The following SYNPO2 variants were observed in gnomAD, a reference collection of about 807,000 sequenced individuals.
SYNPO2 encodes the protein synaptopodin-2.
SYNPO2 carries 56 observed loss-of-function variants against 85.0 expected under a neutral mutation model. That is an observed-to-expected ratio of 0.66 (90% CI 0.53 to 0.82). SYNPO2 has a LOEUF of 0.82. SYNPO2 is among the 40% of genes least tolerant of loss of function. The probability of loss-of-function intolerance (pLI) is 0.00; values close to 1 mark genes in which losing one functional copy is unlikely to be tolerated. For synonymous variants in SYNPO2, 602 were observed against 591.1 expected (o/e 1.02, Z -0.27); for missense variants, 1,575 against 1,534.2 (o/e 1.03, Z -0.44).
At chr4:118,917,364 C>G (rs1411603646) in intron 1 of SYNPO2, among the ~76,000 whole-genome samples, 1 of 152,048 alleles carries the variant, frequency 6.6e-6, no homozygotes, top group Non-Finnish European at 1.5e-5. Context: ...GGACTCTAGC[C>G]TGGGTAATAA....
chr4:118,873,516 T>TTCA (rs1418855579), intron 1 of SYNPO2, among the ~76,000 whole-genome samples: 1 of 152,212 alleles, frequency 6.6e-6, no homozygotes. Flanking sequence ...AAAATGTCTA[T>TTCA]TCATACCCTT....
intron 1 of SYNPO2, among the ~76,000 whole-genome samples, chr4:118,927,776 T>TA (rs143891687): frequency 0.29 from 28,585 of 97,720 alleles, 6,107 homozygotes; most frequent in African/African-American, 0.4. Flanking sequence ...GATAGATAGA[T>TA]GATAGATAGA....
intron 1 of SYNPO2, among the ~76,000 whole-genome samples, chr4:118,855,617 T>A (rs1478501696): frequency 6.6e-6 from 1 of 151,896 alleles, no homozygotes; most frequent in East Asian, 1.9e-4. Flanking sequence ...CTTTAAATAT[T>A]GCCAGTAACT....
chr4:119,012,489 T>C lies in SYNPO2; in HGVS notation c.106-10941T>C, dbSNP rs1423822659. 2.0e-5 allele frequency among the ~76,000 whole-genome samples: 3 copies of C among 151,534 alleles called. No individual in the cohort carries two copies. The East Asian group carries it at 5.9e-4, about 30-fold the overall frequency. ...GTGGTTTGCTGCACCTATCAACCTG[T>C]CATCTAGGCTTTAAGCCCTGCATGG... is the stretch of plus-strand genomic sequence containing the variant. On this transcript the variant is annotated intron_variant, in intron 1 of 4. Transcript: ENST00000307142.
chr4:118,977,162 G>A (rs1379693594), intron 1 of SYNPO2, among the ~76,000 whole-genome samples: 2 of 152,238 alleles, frequency 1.3e-5, no homozygotes, highest in Admixed American at 6.5e-5. Context: ...GGAGGCTCAG[G>A]CATGGCGGGC....
At chr4:119,035,258 A>T in intron 4 of SYNPO2, 1 of 985,428 alleles carries the variant, frequency 1.0e-6, no homozygotes, top group Non-Finnish European at 1.2e-6. Context: ...ATGTTGTGCT[A>T]TAATGAATCT....
Position 119,057,530 on chromosome 4 carries a change from A to C in SYNPO2, c.3382A>C (p.Arg1128=). 6.2e-7 allele frequency: 1 copy of C among 1,614,166 alleles called. No homozygotes were observed. ...PTDGLEKANK[R]PTPWEAAAKS... ...CGATGGACTAGAGAAAGCAAACAAG[A>C]GACCAACTCCTTGGGAAGCAGCAGC... is the stretch of plus-strand genomic sequence containing the variant. Residue 1128 remains arginine, a synonymous_variant, in exon 5 of 5, where the codon AGA becomes CGA. Coordinates refer to ENST00000307142, the MANE Select transcript of SYNPO2 (RefSeq NM_133477.3).
chr4:119,037,238 C>A lies in SYNPO2; in HGVS notation c.3252+5211C>A, dbSNP rs755176070. 1.1e-5 allele frequency: 17 copies of A among 1,502,206 alleles called. No homozygotes were observed. The East Asian group carries it at 4.0e-4, about 36-fold the overall frequency. The allele number at this position is 1,502,206 out of a possible 1,614,324, so 93.1% of individuals were successfully genotyped here. A position where few individuals can be genotyped will look rare whatever the true frequency, so the allele number is the denominator to read the frequency against. ...ACATTCAAAGGAAACACAAAGAAAT[C>A]CTGCTTTCACATCTCCTATTTCTTG... On this transcript the variant is annotated intron_variant, in intron 4 of 4. Transcript: ENST00000307142.
intron 1 of SYNPO2, among the ~76,000 whole-genome samples, chr4:118,894,264 CAG>C (rs1415956964): frequency 1.3e-5 from 2 of 152,010 alleles, no homozygotes; most frequent in Admixed American, 6.6e-5. Context: ...AGAGGAAGAT[CAG>C]AGAGAGGCTA....
chr4:118,930,348 T>C (rs557419237), intron 1 of SYNPO2, among the ~76,000 whole-genome samples: 1 of 152,340 alleles, frequency 6.6e-6, no homozygotes, highest in Admixed American at 6.5e-5. Context: ...ATTTTAGTAC[T>C]TTTTATCATC....
At chr4:118,892,402 A>G (rs1480306589) in intron 1 of SYNPO2, among the ~76,000 whole-genome samples, 1 of 152,194 alleles carries the variant, frequency 6.6e-6, no homozygotes, top group Non-Finnish European at 1.5e-5. Context: ...ACACTCTGCA[A>G]AGTATATTTT....
At chr4:118,931,291 C>T (rs1214713520) in intron 1 of SYNPO2, among the ~76,000 whole-genome samples, 1 of 151,164 alleles carries the variant, frequency 6.6e-6, no homozygotes, top group Non-Finnish European at 1.5e-5. Flanking sequence ...AGTAGGAGAG[C>T]TGGGATGAGA....
chr4:118,860,296 T>C (rs1184503363), intron 1 of SYNPO2, among the ~76,000 whole-genome samples: 1 of 151,958 alleles, frequency 6.6e-6, no homozygotes, highest in African/African-American at 2.4e-5. Context: ...CAGGCTGGAG[T>C]GTAGTGGCAT....
chr4:118,903,464 A>G (rs1732824340), intron 1 of SYNPO2, among the ~76,000 whole-genome samples: 1 of 152,170 alleles, frequency 6.6e-6, no homozygotes, highest in African/African-American at 2.4e-5. Flanking sequence ...GCAGTAGTCC[A>G]ATTCACTGAA....
rs756761123 is a variant in SYNPO2 at position 119,030,999 on chromosome 4, G to C, written c.2224G>C (p.Ala742Pro). 6.2e-7 allele frequency: 1 copy of C among 1,614,092 alleles called. No individual in the cohort carries two copies. The highest frequency in any genetic ancestry group is 1.1e-5 in the South Asian group (1 of 91,068). ...EEDYLSLGAEACNFMQSSSAK... is the reference protein window; with the variant it reads ...EEDYLSLGAEPCNFMQSSSAK... ...AGACTACCTCAGCTTGGGGGCAGAGGCTTGTAATTTCATGCAAAGCTCCTC... is the reference window on the plus strand; with the variant it reads ...AGACTACCTCAGCTTGGGGGCAGAGCCTTGTAATTTCATGCAAAGCTCCTC... Residue 742 changes from alanine to proline, a missense_variant, in exon 4 of 5, where the codon GCT (alanine) becomes CCT (proline). This residue lies in a region of SYNPO2 where 1,508 missense variants were observed against 1,446.8 expected (regional missense o/e 1.04). Transcript: ENST00000307142.
chr4:118,946,913 A>G (rs1245602117), intron 1 of SYNPO2, among the ~76,000 whole-genome samples: 1 of 152,134 alleles, frequency 6.6e-6, no homozygotes, highest in Non-Finnish European at 1.5e-5. Context: ...TTAGGCTTGG[A>G]CTTTTGGGTC....
intron 1 of SYNPO2, among the ~76,000 whole-genome samples, chr4:118,965,696 A>G (rs1295508867): frequency 6.6e-6 from 1 of 152,128 alleles, no homozygotes; most frequent in African/African-American, 2.4e-5. Context: ...ATCAGGCACT[A>G]TTATCGGTGC....
At chr4:118,876,189 G>T (rs1180654016) in intron 1 of SYNPO2, among the ~76,000 whole-genome samples, 1 of 152,152 alleles carries the variant, frequency 6.6e-6, no homozygotes, top group African/African-American at 2.4e-5. Context: ...GTATTAAATT[G>T]TTCTCTGGTA....
chr4:118,871,094 G>C (rs1731790460), intron 1 of SYNPO2, among the ~76,000 whole-genome samples: 1 of 152,032 alleles, frequency 6.6e-6, no homozygotes, highest in Non-Finnish European at 1.5e-5. Context: ...TGTATACCCA[G>C]CACCTTGTTT....
Sources: gnomAD v4.1 joint callset for allele counts (sites outside exome capture counted in the v4.1 genomes callset) on GRCh38, gnomAD v4.1.1 for gene constraint, gnomAD v4.1.1 regional missense constraint, MANE v1.5 for transcripts, NCBI Gene and HGNC (gene_info 2026-07-23, HGNC 2026-07-21) for gene names.